Variants in PLTP observed in about 807,000 individuals in gnomAD.
PLTP encodes the protein phospholipid transfer protein.
In PLTP, 43 loss-of-function variants were observed where a neutral mutation model predicts 54.1. The observed-to-expected ratio is 0.79, with a 90% CI of 0.62 to 1.02. PLTP has a LOEUF of 1.02. Among genes scored for constraint, PLTP ranks in the 50% least tolerant of loss-of-function variants. PLTP has a pLI of 0.00. For missense variants in PLTP, 604 were observed against 645.9 expected (o/e 0.94, Z 0.70); for synonymous variants, 263 against 264.6 (o/e 0.99, Z 0.06).
chr20:45,906,813 C>T (rs2083243702), intron 7 of PLTP, among the ~76,000 whole-genome samples: 1 of 115,798 alleles, frequency 8.6e-6, no homozygotes, highest in South Asian at 2.6e-4. Flanking sequence ...ATCGCTTGAT[C>T]CTGGGAGGTG....
rs1162676643 is a variant in PLTP, at chr20:45,898,844, G to A, written c.*97C>T. On this transcript the variant is annotated 3_prime_UTR_variant, in exon 16 of 16. Transcript: ENST00000372431. This position sits in a 1 kb window ranked among gnomAD's most constrained non-coding sequence, Gnocchi z 4.6. Reference sequence around the variant, plus strand: ...AATCCCGTCTTCTCTGTGGCACTGGGGGTTAGAGGGGGCACTACAGGCTAT... The same window carrying A: ...AATCCCGTCTTCTCTGTGGCACTGGAGGTTAGAGGGGGCACTACAGGCTAT... 7.3e-7 allele frequency: 1 copy of A among 1,361,178 alleles called. No homozygotes were observed. The highest frequency in any genetic ancestry group is 1.0e-6 in the Non-Finnish European group (1 of 986,016). 84.3% of individuals were successfully genotyped at this position (1,361,178 alleles called of 1,614,324 possible). A position where few individuals can be genotyped will look rare whatever the true frequency, so the allele number is the denominator to read the frequency against.
chr20:45,906,908 A>C (rs1217304684), intron 7 of PLTP, among the ~76,000 whole-genome samples: 1 of 123,864 alleles, frequency 8.1e-6, no homozygotes, highest in African/African-American at 2.6e-5. Context: ...AAAAAAAAAA[A>C]AAAAGATGGC....
At chr20:45,910,815 C>T in intron 3 of PLTP, 4 of 1,232,752 alleles carry the variant, frequency 3.2e-6, no homozygotes, top group Non-Finnish European at 4.1e-6. Context: ...CTCCGATTAA[C>T]TCCACCCCGT....
At chr20:45,911,114 G>GCC in intron 3 of PLTP, 38 bp downstream of exon 3, 1 of 1,611,342 alleles carries the variant, frequency 6.2e-7, no homozygotes, top group Non-Finnish European at 8.5e-7. Context: ...CACCGCCGAG[G>GCC]CCCCGCCCCG....
At chr20:45,899,812 G>GGGGCCCCCCCCCC in intron 13 of PLTP, 24 bp downstream of exon 13, 1 of 309,344 alleles carries the variant, frequency 3.2e-6, no homozygotes, top group Non-Finnish European at 6.2e-6. Flanking sequence ...ACCCAGCCCA[G>GGGGCCCCCCCCCC]CCCACCCACC....
chr20:45,910,013 C>T lies in PLTP; in HGVS notation c.258G>A (p.Gln86=). 6.2e-7 allele frequency: 1 copy of T among 1,614,120 alleles called. No homozygotes were observed. The highest frequency in any genetic ancestry group is 8.5e-7 in the Non-Finnish European group (1 of 1,179,994). Residue 86 remains glutamine, a synonymous_variant, in exon 4 of 16, where the codon CAG becomes CAA. Coordinates refer to ENST00000372431, the MANE Select transcript of PLTP (RefSeq NM_006227.4). ...CATTGGTGATTTGAAGCATCAGCTC[C>T]TGCTGTGGCTGGAAATCGAGCTCGG... ...TSSELDFQPQ[Q]ELMLQITNAS...
intron 13 of PLTP, 29 bp downstream of exon 13, chr20:45,899,807 G>GGGCCCCGCCCCCCCCCCCCCC: frequency 7.3e-7 from 1 of 1,369,468 alleles, no homozygotes; most frequent in Non-Finnish European, 1.0e-6. Context: ...CACGAACCCA[G>GGGCCCCGCCCCCCCCCCCCCC]CCCAGCCCAC....
chr20:45,906,141 C>G, intron 8 of PLTP, 127 bp downstream of exon 8: 1 of 732,832 alleles, frequency 1.4e-6, no homozygotes. Context: ...AACAGGGAGC[C>G]ATAGCATTCT....
At chr20:45,899,094 T>C in intron 15 of PLTP, 31 bp from the exon 16 acceptor site, 1 of 1,614,058 alleles carries the variant, frequency 6.2e-7, no homozygotes, top group South Asian at 1.1e-5. Context: ...CCTCATTTAT[T>C]CATTCAGTTA....
At chr20:45,899,958 G>A in intron 12 of PLTP, 80 bp from the exon 13 acceptor site, 1 of 1,281,606 alleles carries the variant, frequency 7.8e-7, no homozygotes, top group Non-Finnish European at 1.1e-6. Context: ...ACCTGCCAGA[G>A]GTGTCTGAGT....
intron 11 of PLTP, 45 bp from the exon 12 acceptor site, chr20:45,902,379 G>A (rs1292611089): frequency 5.6e-6 from 9 of 1,614,016 alleles, no homozygotes; most frequent in Admixed American, 3.3e-5. Context: ...CAGAAGGTCA[G>A]TAACCCACAG....
chr20:45,909,961 G>C lies in PLTP; in HGVS notation c.310C>G (p.Gln104Glu). ...NASLGLRFRR[Q>E]LLYWFFYDGG... is the part of the protein sequence containing the mutation. The stretch of plus-strand genomic sequence containing the variant: ...CCTTACAAGAACCAGTAGAGCAGCT[G>C]TCTCCGGAAGCGCAGCCCCAAGGAG... Residue 104 changes from glutamine to glutamate, a missense_variant, in exon 4 of 16, where the codon CAG becomes GAG. Coordinates refer to ENST00000372431, the MANE Select transcript of PLTP (RefSeq NM_006227.4). The C allele has an allele frequency of 1.2e-6, 2 of 1,614,158 alleles. No individual in the cohort carries two copies. The highest frequency in any genetic ancestry group is 8.5e-7 in the Non-Finnish European group (1 of 1,180,008).
chr20:45,911,620 A>G (rs2083294977), intron 1 of PLTP, 157 bp from the exon 2 acceptor site: 8 of 993,858 alleles, frequency 8.0e-6, no homozygotes, highest in Non-Finnish European at 1.2e-5. Context: ...GCAGATGTGG[A>G]AACTGAGGCT....
At position 45,911,169 on chromosome 20, in the gene PLTP, G is replaced by A. The variant is rs1478701449; in HGVS notation, c.183C>T (p.Phe61=). 6.2e-7 allele frequency: 1 copy of A among 1,613,764 alleles called. No homozygotes were observed. Among genetic ancestry groups the A allele is most frequent in the Non-Finnish European group, 8.5e-7 (1 of 1,179,672 alleles). The change falls in exon 3 of 16, where the codon TTC becomes TTT. Residue 61 remains phenylalanine, a synonymous_variant. Transcript: ENST00000372431. ...IPDLRGKEGH[F]YYNISEVKVT... ...CCACTTACTCAGAGATGTTGTAGTA[G>A]AAGTGGCCTTCTTTGCCCCGCAGGT...
At chr20:45,903,411 G>A (rs767882429) in intron 10 of PLTP, among the ~76,000 whole-genome samples, 14 of 152,094 alleles carry the variant, frequency 9.2e-5, no homozygotes, top group African/African-American at 2.7e-4. Context: ...TTGTGTTTTC[G>A]TAGAGACGGG....
In PLTP at chr20:45,909,449, G is replaced by A; in HGVS notation, c.485+67C>T. Reference sequence around the variant, plus strand: ...TCTGATTCCCAGGCCTATGCACTTTGCATTGCGCTAGGCAGATGAGCTGTG... The same window carrying A: ...TCTGATTCCCAGGCCTATGCACTTTACATTGCGCTAGGCAGATGAGCTGTG... On this transcript the variant is annotated intron_variant, in intron 5 of 15. Transcript: ENST00000372431. 4 of 1,552,210 alleles carry A rather than the reference G, an allele frequency of 2.6e-6. No individual in the cohort carries two copies. The South Asian group carries it at 4.5e-5, about 17-fold the overall frequency.
intron 4 of PLTP, 98 bp downstream of exon 4, chr20:45,909,844 C>G (rs913020941): frequency 6.6e-7 from 1 of 1,516,394 alleles, no homozygotes; most frequent in Non-Finnish European, 9.1e-7. Flanking sequence ...GATGAAGAAA[C>G]GGAAACTCAG....
At chr20:45,910,604 G>A in intron 3 of PLTP, among the ~76,000 whole-genome samples, 1 of 144,522 alleles carries the variant, frequency 6.9e-6, no homozygotes, top group African/African-American at 2.6e-5. Flanking sequence ...AACAGAACAA[G>A]ACTCCCTCTC....
intron 10 of PLTP, 70 bp downstream of exon 10, chr20:45,904,730 C>T (rs11086986): frequency 2.7e-6 from 4 of 1,509,242 alleles, no homozygotes; most frequent in Admixed American, 1.7e-5. Flanking sequence ...CCACTGGGGG[C>T]CCCACCTGCA....
Sources: allele counts gnomAD v4.1 joint callset (sites outside exome capture counted in the v4.1 genomes callset), GRCh38; gene constraint gnomAD v4.1.1; non-coding constraint Gnocchi (gnomAD v3.1); transcripts MANE v1.5; gene names NCBI Gene and HGNC (gene_info 2026-07-23, HGNC 2026-07-21).